The following NAALADL2 variants were observed in gnomAD, a reference collection of about 807,000 sequenced individuals.
NAALADL2 encodes the protein N-acetylated alpha-linked acidic dipeptidase like 2.
A neutral mutation model predicts 87.2 loss-of-function variants in NAALADL2; 76 were observed. The observed-to-expected ratio is 0.87, with a 90% CI of 0.72 to 1.05. The LOEUF (loss-of-function observed/expected upper bound fraction) is 1.05, where lower values mean the gene tolerates loss of function less well. Ranked by LOEUF, NAALADL2 falls within the 50% of genes least tolerant of loss-of-function variation. The pLI is 0.00. For synonymous variants in NAALADL2, 354 were observed against 331.0 expected (o/e 1.07, Z -0.75); for missense variants, 1,089 against 945.8 (o/e 1.15, Z -1.99).
In NAALADL2 at chr3:175,001,010, G is replaced by T. The variant is rs76125017; in HGVS notation, c.44-95780G>T. Among the ~76,000 whole-genome samples the T allele has an allele frequency of 6.6e-5, 10 of 152,248 alleles. No individual in the cohort carries two copies. In the East Asian group the frequency reaches 1.9e-3, roughly 29 times the overall value. On this transcript the variant is annotated intron_variant, in intron 1 of 13. Transcript: ENST00000454872. ...CAGAAAACTCCAGTCCCATTTATGG[G>T]ATCCATAGCTAGGGTGGCCAATTAA... is the stretch of plus-strand genomic sequence containing the variant.
intron 1 of NAALADL2, among the ~76,000 whole-genome samples, chr3:174,450,868 T>TAA (rs1715430236): frequency 3.1e-5 from 1 of 32,626 alleles, no homozygotes; most frequent in African/African-American, 1.5e-4. Flanking sequence ...AGACTCTGTC[T>TAA]CAAAAAAAAA....
intron 1 of NAALADL2, among the ~76,000 whole-genome samples, chr3:174,489,370 A>G (rs2108346620): frequency 6.6e-6 from 1 of 152,220 alleles, no homozygotes; most frequent in South Asian, 2.1e-4. Context: ...TATAAGAGCT[A>G]AAGCTATAAA....
At position 175,345,630 on chromosome 3, in the gene NAALADL2, A is replaced by G. The variant is rs539226249; in HGVS notation, c.1090+21305A>G. Reference sequence around the variant, plus strand: ...AGATCACCTGGCAGGCACCACTCCAACTTGATCCCACACAGTGATCACAGT... The same window carrying G: ...AGATCACCTGGCAGGCACCACTCCAGCTTGATCCCACACAGTGATCACAGT... On this transcript the variant is annotated intron_variant, in intron 5 of 13. Coordinates refer to ENST00000454872, the MANE Select transcript of NAALADL2 (RefSeq NM_207015.3). Among the ~76,000 whole-genome samples, 6 of 152,272 alleles carry G rather than the reference A, an allele frequency of 3.9e-5. No individual in the cohort carries two copies. The South Asian group carries it at 6.2e-4, about 16-fold the overall frequency.
chr3:175,299,888 G>C (rs970575783), intron 4 of NAALADL2, among the ~76,000 whole-genome samples: 2 of 152,132 alleles, frequency 1.3e-5, no homozygotes, highest in Admixed American at 6.5e-5. Context: ...AATGCTTTCA[G>C]CTTTTGCCCA....
In NAALADL2 at chr3:174,448,112, C is replaced by T. The variant is rs563964331; in HGVS notation, c.-184+7080C>T. On this transcript the variant is annotated intron_variant, in intron 1 of 3. Transcript: ENST00000434257. Reference sequence around the variant, plus strand: ...TGATTTCTGTGAGGTGCTCCATTTCCCTCTTCTCATTTTTTGCTTTTTATT... The same window carrying T: ...TGATTTCTGTGAGGTGCTCCATTTCTCTCTTCTCATTTTTTGCTTTTTATT... 1.8e-3 allele frequency among the ~76,000 whole-genome samples: 280 copies of T among 152,184 alleles called. 1 individual carries two copies. Among genetic ancestry groups the T allele is most frequent in the Non-Finnish European group, 3.1e-3 (211 of 68,012 alleles).
intron 1 of NAALADL2, among the ~76,000 whole-genome samples, chr3:174,548,669 C>T (rs146644854): frequency 2.8e-4 from 42 of 152,218 alleles, no homozygotes; most frequent in African/African-American, 8.9e-4. Flanking sequence ...GATAGAATTG[C>T]TCTGTTTACT....
chr3:175,560,494 ATTTCT>A (rs1716095240), intron 9 of NAALADL2, among the ~76,000 whole-genome samples: 1 of 149,948 alleles, frequency 6.7e-6, no homozygotes, highest in Non-Finnish European at 1.5e-5. Context: ...GATCTTTATT[ATTTCT>A]TCCCTTCTAC....
intron 5 of NAALADL2, among the ~76,000 whole-genome samples, chr3:175,342,405 C>T (rs926064183): frequency 5.9e-5 from 9 of 151,962 alleles, no homozygotes; most frequent in African/African-American, 2.2e-4. Flanking sequence ...CCTTAGGCAG[C>T]ATTTTAACCG....
chr3:175,134,263 C>A (rs77464177), intron 2 of NAALADL2, among the ~76,000 whole-genome samples: 1 of 152,192 alleles, frequency 6.6e-6, no homozygotes, highest in African/African-American at 2.4e-5. Context: ...AGACAAATTG[C>A]TTCAAGGTAA....
intron 1 of NAALADL2, among the ~76,000 whole-genome samples, chr3:175,043,475 G>C (rs145064504): frequency 0.015 from 2,257 of 152,246 alleles, 62 homozygotes; most frequent in African/African-American, 0.052. Context: ...CTGACCTTGT[G>C]ATCTGCCCGC....
intron 1 of NAALADL2, among the ~76,000 whole-genome samples, chr3:174,882,762 TACACAC>T (rs1560319421): frequency 2.0e-5 from 3 of 146,354 alleles, no homozygotes; most frequent in Admixed American, 6.9e-5. Context: ...CGTGTATATA[TACACAC>T]GTGTATATAT....
chr3:175,527,236 T>TAGCCAGTTTTC (rs1733538223), intron 9 of NAALADL2, among the ~76,000 whole-genome samples: 1 of 152,142 alleles, frequency 6.6e-6, no homozygotes, highest in African/African-American at 2.4e-5. Flanking sequence ...AAGGCTACAT[T>TAGCCAGTTTTC]AGCCAGTTTT....
chr3:174,973,565 CA>C (rs1336067187), intron 1 of NAALADL2, among the ~76,000 whole-genome samples: 1 of 152,120 alleles, frequency 6.6e-6, no homozygotes, highest in East Asian at 1.9e-4. Flanking sequence ...TAAGTTAACA[CA>C]AAGTCATGCC....
At chr3:174,501,794 T>C (rs1718913635) in intron 1 of NAALADL2, among the ~76,000 whole-genome samples, 1 of 152,074 alleles carries the variant, frequency 6.6e-6, no homozygotes, top group Non-Finnish European at 1.5e-5. Context: ...CTTTTTTTGC[T>C]CTCATTAATC....
chr3:175,000,422 A>G (rs758003691), intron 1 of NAALADL2, among the ~76,000 whole-genome samples: 5 of 152,134 alleles, frequency 3.3e-5, no homozygotes, highest in Admixed American at 2.6e-4. Context: ...TGGGCATACA[A>G]TTTCTGTCAC....
intron 1 of NAALADL2, among the ~76,000 whole-genome samples, chr3:175,077,269 G>A (rs1176269830): frequency 6.6e-6 from 1 of 152,146 alleles, no homozygotes; most frequent in Admixed American, 6.5e-5. Flanking sequence ...CGATTGGAGA[G>A]ACCCTAGAAA....
At chr3:175,546,536 C>A (rs1713364717) in intron 9 of NAALADL2, among the ~76,000 whole-genome samples, 1 of 152,076 alleles carries the variant, frequency 6.6e-6, no homozygotes, top group Non-Finnish European at 1.5e-5. Flanking sequence ...TATTTACTTT[C>A]CATTTTTAGT....
At chr3:175,736,432 T>A (rs372083127) in intron 11 of NAALADL2, among the ~76,000 whole-genome samples, 2 of 152,062 alleles carry the variant, frequency 1.3e-5, no homozygotes, top group East Asian at 3.8e-4. Context: ...TTGAAGGAGG[T>A]TTATTGGAAG....
At chr3:174,459,397 A>G (rs940980406) in intron 1 of NAALADL2, 8 of 152,162 alleles carry the variant, frequency 5.3e-5, no homozygotes, top group African/African-American at 9.7e-5. Flanking sequence ...ATGTCTTACA[A>G]TGGAGGAGAT....
Sources: allele counts gnomAD v4.1 joint callset (sites outside exome capture counted in the v4.1 genomes callset), GRCh38; gene constraint gnomAD v4.1.1; transcripts MANE v1.5; gene names NCBI Gene and HGNC (gene_info 2026-07-23, HGNC 2026-07-21).